FIG4: variants seen among roughly 807,000 people sequenced by gnomAD.
FIG4 encodes the protein FIG4 phosphoinositide 5-phosphatase, also known as polyphosphoinositide phosphatase.
In FIG4, 112 loss-of-function variants were observed where a neutral mutation model predicts 118.6. The ratio of observed to expected loss-of-function variants is 0.94; its 90% confidence interval spans 0.81 to 1.11. The LOEUF is 1.11. Ranked by LOEUF, FIG4 falls within the 50% of genes least tolerant of loss-of-function variation. The pLI, the probability that FIG4 is intolerant of heterozygous loss-of-function variation, is 0.00. For synonymous variants in FIG4, 369 were observed against 381.2 expected (o/e 0.97, Z 0.37); for missense variants, 969 against 1,111.7 (o/e 0.87, Z 1.83).
At chr6:109,760,145 G>A (rs952147513) in intron 10 of FIG4, 105 bp from the exon 11 acceptor site, 4 of 889,822 alleles carry the variant, frequency 4.5e-6, no homozygotes, top group Non-Finnish European at 7.3e-6. Context: ...GTATATTTAA[G>A]ACTTGGATTT....
At chr6:109,756,379 T>A (rs1376255258) in intron 10 of FIG4, among the ~76,000 whole-genome samples, 1 of 152,134 alleles carries the variant, frequency 6.6e-6, no homozygotes, top group Non-Finnish European at 1.5e-5. Flanking sequence ...ATTTTTTCCT[T>A]CATTTCAACT....
At chr6:109,700,657 A>G (rs992019878) in intron 1 of FIG4, among the ~76,000 whole-genome samples, 1 of 152,244 alleles carries the variant, frequency 6.6e-6, no homozygotes, top group African/African-American at 2.4e-5. Flanking sequence ...TGGACATGAC[A>G]TGACACCACA....
rs753245318 is a variant in FIG4 at position 109,825,106 on chromosome 6, C to T, written c.2565C>T (p.Phe855=). 9 of 1,613,800 alleles carry T rather than the reference C, an allele frequency of 5.6e-6. No homozygotes were observed. The highest frequency in any genetic ancestry group is 1.3e-5 in the African/African-American group (1 of 74,920). ...TTTATAGAACACCCATCTCGGCTTT[C>T]TCGCAAGATAACATCTATGAAGTTC... ...GVIKLTPISA[F]SQDNIYEVQP... Residue 855 remains phenylalanine (F), a synonymous_variant, in exon 23 of 23, where the codon TTC becomes TTT. Coordinates refer to ENST00000230124, the MANE Select transcript of FIG4 (RefSeq NM_014845.6).
Position 109,777,019 on chromosome 6 carries a change from G to A in FIG4, c.1848G>A (p.Leu616=), listed in dbSNP as rs768254297. Residue 616 remains leucine (L), a synonymous_variant, in exon 16 of 23, where the codon TTG becomes TTA. Coordinates refer to ENST00000230124, the MANE Select transcript of FIG4 (RefSeq NM_014845.6). The part of the protein sequence containing the change: ...HLWELPTDFY[L]HHKNTMRLLP... ...GGGAGCTCCCAACAGATTTTTATTTGCATCACAAAAATACCATGAGACTTT... is the reference window on the plus strand; with the variant it reads ...GGGAGCTCCCAACAGATTTTTATTTACATCACAAAAATACCATGAGACTTT... The A allele has an allele frequency of 6.2e-7, 1 of 1,613,560 alleles. No homozygotes were observed. Among genetic ancestry groups the A allele is most frequent in the Admixed American group, 1.7e-5 (1 of 59,986 alleles).
At chr6:109,786,989 C>T (rs1777982469) in intron 18 of FIG4, among the ~76,000 whole-genome samples, 1 of 152,040 alleles carries the variant, frequency 6.6e-6, no homozygotes, top group Admixed American at 6.6e-5. Context: ...ATTATTATTA[C>T]TATTATTATT....
rs114542344 is a variant in FIG4, at chr6:109,759,565, G to A, written c.1138-685G>A. On this transcript the variant is annotated intron_variant, in intron 10 of 22. Transcript: ENST00000230124. ...AACATTGCCCAAGGTCACATGGCTA[G>A]TGAGTGGCAGAGTCACCATTCCAAC... is the stretch of plus-strand genomic sequence containing the variant. Among the ~76,000 whole-genome samples the A allele has an allele frequency of 3.8e-3, 579 of 152,298 alleles. 5 individuals carry two copies. Among genetic ancestry groups the A allele is most frequent in the African/African-American group, 0.013 (553 of 41,564 alleles).
intron 22 of FIG4, among the ~76,000 whole-genome samples, chr6:109,806,688 A>G (rs901867962): frequency 6.6e-6 from 1 of 151,690 alleles, no homozygotes; most frequent in Non-Finnish European, 1.5e-5. Context: ...GGTTTGTTAC[A>G]TAGGTATACA....
At chr6:109,739,746 T>A (rs1399980149) in intron 7 of FIG4, among the ~76,000 whole-genome samples, 1 of 152,094 alleles carries the variant, frequency 6.6e-6, no homozygotes, top group Non-Finnish European at 1.5e-5. Context: ...ATTAAAATAA[T>A]AATAATGTAC....
At chr6:109,776,891 G>A (rs1777633586) in intron 15 of FIG4, 31 bp from the exon 16 acceptor site, 2 of 1,568,662 alleles carry the variant, frequency 1.3e-6, no homozygotes, top group Admixed American at 1.7e-5. Context: ...ATCAGTAATG[G>A]ATTTTCTGAA....
chr6:109,721,331 G>T (rs1017507902), intron 3 of FIG4, among the ~76,000 whole-genome samples: 1 of 152,028 alleles, frequency 6.6e-6, no homozygotes, highest in African/African-American at 2.4e-5. Context: ...GGGGGGTTTT[G>T]TCCTTCTCTG....
intron 12 of FIG4, 65 bp downstream of exon 12, chr6:109,762,272 C>A: frequency 2.0e-6 from 2 of 981,354 alleles, no homozygotes; most frequent in Non-Finnish European, 3.3e-6. Flanking sequence ...ATTCTAAATA[C>A]AGCAGTTTGT....
At chr6:109,727,959 T>C (rs1045564585) in intron 4 of FIG4, among the ~76,000 whole-genome samples, 3 of 152,148 alleles carry the variant, frequency 2.0e-5, no homozygotes, top group African/African-American at 7.2e-5. Flanking sequence ...CAGATTTTGG[T>C]CGGATTCTGG....
At chr6:109,692,761 A>ATC (rs1232276559) in intron 1 of FIG4, among the ~76,000 whole-genome samples, 2 of 151,224 alleles carry the variant, frequency 1.3e-5, no homozygotes, top group African/African-American at 4.9e-5. Context: ...CAGTGGTGCT[A>ATC]TCTCGGCTCA....
chr6:109,815,795 C>T (rs1327715490), intron 22 of FIG4, among the ~76,000 whole-genome samples: 5 of 149,320 alleles, frequency 3.3e-5, no homozygotes, highest in African/African-American at 4.9e-5. Context: ...AATTCTAAAG[C>T]AAGCAAACAA....
At chr6:109,757,957 G>C (rs953992909) in intron 10 of FIG4, among the ~76,000 whole-genome samples, 3 of 150,834 alleles carry the variant, frequency 2.0e-5, no homozygotes, top group Non-Finnish European at 2.9e-5. Flanking sequence ...AGTGAAATAA[G>C]AGAGGGCACA....
At chr6:109,813,840 C>T (rs1242834289) in intron 22 of FIG4, among the ~76,000 whole-genome samples, 1 of 152,160 alleles carries the variant, frequency 6.6e-6, no homozygotes, top group Non-Finnish European at 1.5e-5. Flanking sequence ...GTCCAGCCAA[C>T]AACTAGTGAG....
In FIG4 at chr6:109,825,138, C is replaced by G; in HGVS notation, c.2597C>G (p.Pro866Arg). 4.3e-6 allele frequency: 7 copies of G among 1,614,034 alleles called. No individual in the cohort carries two copies. The highest frequency in any genetic ancestry group is 5.1e-6 in the Non-Finnish European group (6 of 1,179,936). The change falls in exon 23 of 23, where the codon CCA becomes CGA. Residue 866 changes from proline (P) to arginine (R), a missense_variant. Transcript: ENST00000230124. ...GATAACATCTATGAAGTTCAGCCCC[C>G]AAGAGTAGACAGAAAATCTACAGAG... is the stretch of plus-strand genomic sequence containing the variant. Reference protein sequence around the residue: ...SQDNIYEVQPPRVDRKSTEIF... With the variant: ...SQDNIYEVQPRRVDRKSTEIF...
intron 1 of FIG4, among the ~76,000 whole-genome samples, chr6:109,700,115 G>A (rs1403882066): frequency 6.6e-6 from 1 of 152,158 alleles, no homozygotes; most frequent in Non-Finnish European, 1.5e-5. Context: ...TTCAACATAT[G>A]AATTTTAAAT....
intron 22 of FIG4, among the ~76,000 whole-genome samples, chr6:109,817,403 G>T (rs1032122375): frequency 3.3e-5 from 5 of 152,146 alleles, no homozygotes; most frequent in African/African-American, 1.2e-4. Flanking sequence ...TAGACAATGT[G>T]TCCAGCATAT....
Sources: gnomAD v4.1 joint callset for allele counts (sites outside exome capture counted in the v4.1 genomes callset) on GRCh38, gnomAD v4.1.1 for gene constraint, MANE v1.5 for transcripts, NCBI Gene and HGNC (gene_info 2026-07-23, HGNC 2026-07-21) for gene names.